The following TMEM117 variants were observed in gnomAD, a reference collection of about 807,000 sequenced individuals.
TMEM117 encodes the protein transmembrane protein 117.
In TMEM117, 27 loss-of-function variants were observed where a neutral mutation model predicts 52.4. The observed-to-expected ratio is 0.51, with a 90% CI of 0.38 to 0.71. TMEM117 has a LOEUF of 0.71. Ranked by LOEUF, TMEM117 falls within the 30% of genes least tolerant of loss-of-function variation. TMEM117 has a pLI of 0.00. For missense variants in TMEM117, 556 were observed against 630.5 expected, an observed-to-expected ratio of 0.88 and a Z score of 1.26; for synonymous variants, 215 against 206.3, an observed-to-expected ratio of 1.04 and a Z score of -0.36.
chr12:43,841,115 A>G (rs1457623620), intron 1 of TMEM117, among the ~76,000 whole-genome samples: 3 of 152,224 alleles, frequency 2.0e-5, no homozygotes, highest in African/African-American at 4.8e-5. Flanking sequence ...CCTCTAGAAG[A>G]TATCACTTCA....
chr12:44,166,987 A>G (rs761711813), intron 4 of TMEM117, among the ~76,000 whole-genome samples: 5 of 152,336 alleles, frequency 3.3e-5, no homozygotes, highest in Non-Finnish European at 7.3e-5. Flanking sequence ...TAATTTTGCA[A>G]TAATTTGTCA....
intron 4 of TMEM117, among the ~76,000 whole-genome samples, chr12:44,152,064 T>C (rs1248535307): frequency 8.5e-6 from 1 of 117,084 alleles, no homozygotes; most frequent in Non-Finnish European, 1.6e-5. Flanking sequence ...ATTTATATTA[T>C]AGATATAATA....
chr12:43,958,858 G>C (rs1945352191), intron 3 of TMEM117, among the ~76,000 whole-genome samples: 2 of 152,080 alleles, frequency 1.3e-5, no homozygotes, highest in South Asian at 2.1e-4. Context: ...CCTGGCTGGA[G>C]TGCAGTGGCG....
At chr12:43,869,122 A>G (rs773030739) in intron 2 of TMEM117, among the ~76,000 whole-genome samples, 5 of 152,094 alleles carry the variant, frequency 3.3e-5, no homozygotes, top group Non-Finnish European at 5.9e-5. Context: ...CTTGATAGTC[A>G]TAACTTAACA....
intron 6 of TMEM117, among the ~76,000 whole-genome samples, chr12:44,317,895 G>A (rs190305644): frequency 6.6e-6 from 1 of 152,298 alleles, no homozygotes; most frequent in Non-Finnish European, 1.5e-5. Context: ...CAAGAGAGTA[G>A]GGCCTGGACT....
At chr12:44,069,865 A>G (rs558890777) in intron 3 of TMEM117, among the ~76,000 whole-genome samples, 26 of 152,232 alleles carry the variant, frequency 1.7e-4, no homozygotes, top group African/African-American at 5.5e-4. Context: ...TCAGGGATTC[A>G]GGCTCTTTTG....
intron 2 of TMEM117, among the ~76,000 whole-genome samples, chr12:43,868,066 A>G (rs895455879): frequency 4.3e-4 from 66 of 151,880 alleles, no homozygotes; most frequent in Non-Finnish European, 8.8e-5. Flanking sequence ...TCTGACCACA[A>G]AGGAATTAAA....
At chr12:44,050,473 G>T (rs537629359) in intron 3 of TMEM117, among the ~76,000 whole-genome samples, 62 of 152,274 alleles carry the variant, frequency 4.1e-4, no homozygotes, top group African/African-American at 1.4e-3. Flanking sequence ...CACTGTACCC[G>T]GCTAGAATAG....
chr12:43,814,040 C>A, the TMEM117 span, among the ~76,000 whole-genome samples: 3 of 152,050 alleles, frequency 2.0e-5, no homozygotes, highest in African/African-American at 7.2e-5. Context: ...TGGAGATGGA[C>A]TAACGTGTTG....
At chr12:44,342,060 CA>C (rs137887057) in intron 6 of TMEM117, among the ~76,000 whole-genome samples, 4,236 of 150,572 alleles carry the variant, frequency 0.028, 98 homozygotes, top group African/African-American at 0.056. Flanking sequence ...TTTTAAAAGA[CA>C]AAAAAAAAGT....
intron 2 of TMEM117, among the ~76,000 whole-genome samples, chr12:43,901,397 G>A (rs1167586097): frequency 6.6e-6 from 1 of 152,022 alleles, no homozygotes; most frequent in Non-Finnish European, 1.5e-5. Context: ...TGCAACCTCC[G>A]CCTCCTGGGT....
intron 6 of TMEM117, among the ~76,000 whole-genome samples, chr12:44,369,055 T>C (rs531106572): frequency 6.6e-6 from 1 of 152,212 alleles, no homozygotes; most frequent in African/African-American, 2.4e-5. Context: ...CCCCTTTTAT[T>C]GGTGTCTTTA....
At chr12:44,353,599 A>G (rs1014532302) in intron 6 of TMEM117, among the ~76,000 whole-genome samples, 10 of 152,132 alleles carry the variant, frequency 6.6e-5, no homozygotes, top group Non-Finnish European at 1.3e-4. Context: ...CAAAGATCAG[A>G]TAGTTGTAGA....
At chr12:44,088,480 C>T (rs1947609971) in intron 3 of TMEM117, among the ~76,000 whole-genome samples, 1 of 152,000 alleles carries the variant, frequency 6.6e-6, no homozygotes, top group African/African-American at 2.4e-5. Flanking sequence ...ATTGTATTTC[C>T]TCTTAAAAAA....
At chr12:44,327,376 G>A (rs1482852624) in intron 6 of TMEM117, among the ~76,000 whole-genome samples, 1 of 152,154 alleles carries the variant, frequency 6.6e-6, no homozygotes, top group Non-Finnish European at 1.5e-5. Flanking sequence ...AGGAATAACA[G>A]GATTGTGTTT....
chr12:44,375,615 C>A (rs1229058271), intron 6 of TMEM117, among the ~76,000 whole-genome samples: 1 of 152,182 alleles, frequency 6.6e-6, no homozygotes, highest in East Asian at 1.9e-4. Flanking sequence ...GACTTAATTT[C>A]TTTATATTGA....
intron 3 of TMEM117, among the ~76,000 whole-genome samples, chr12:43,977,274 G>A (rs182955006): frequency 1.3e-5 from 2 of 152,092 alleles, no homozygotes; most frequent in South Asian, 2.1e-4. Flanking sequence ...GGTAATGTCC[G>A]GGGCTTGTGT....
intron 3 of TMEM117, among the ~76,000 whole-genome samples, chr12:44,048,745 G>A (rs1436676374): frequency 6.6e-6 from 1 of 152,180 alleles, no homozygotes; most frequent in African/African-American, 2.4e-5. Flanking sequence ...GACAGCGTGG[G>A]TGTATTTGTC....
intron 3 of TMEM117, among the ~76,000 whole-genome samples, chr12:43,946,051 A>G (rs932241970): frequency 2.6e-5 from 4 of 152,254 alleles, no homozygotes; most frequent in East Asian, 1.9e-4. Context: ...CAGGCTTTAG[A>G]AAGTTATTAA....
Sources: gnomAD v4.1 joint callset for allele counts (sites outside exome capture counted in the v4.1 genomes callset) on GRCh38, gnomAD v4.1.1 for gene constraint, MANE v1.5 for transcripts, NCBI Gene and HGNC (gene_info 2026-07-23, HGNC 2026-07-21) for gene names.